Variants in NRG1 observed in about 807,000 individuals in gnomAD.
NRG1 encodes the protein pro-neuregulin-1, membrane-bound isoform.
In NRG1, 18 loss-of-function variants were observed where a neutral mutation model predicts 63.8. The ratio of observed to expected loss-of-function variants is 0.28; its 90% CI spans 0.19 to 0.42. NRG1 has a LOEUF of 0.42. Ranked by LOEUF, NRG1 falls within the 10% of genes least tolerant of loss-of-function variation. The probability of loss-of-function intolerance (pLI) is 1.00; values close to 1 mark genes in which losing one functional copy is unlikely to be tolerated. For synonymous variants in NRG1, 302 were observed against 301.3 expected, an observed-to-expected ratio of 1.00 and a Z score of -0.02; for missense variants, 762 against 814.7, an observed-to-expected ratio of 0.94 and a Z score of 0.79.
At chr8:32,347,583 GT>G (rs1246279215) in intron 1 of NRG1, among the ~76,000 whole-genome samples, 1 of 152,120 alleles carries the variant, frequency 6.6e-6, no homozygotes, top group African/African-American at 2.4e-5. Flanking sequence ...ATCCTCTCTA[GT>G]TTAATGTACT....
At chr8:31,870,837 G>C (rs1322698122) in intron 1 of NRG1, among the ~76,000 whole-genome samples, 1 of 152,054 alleles carries the variant, frequency 6.6e-6, no homozygotes, top group East Asian at 1.9e-4. Flanking sequence ...ATGTGCAAAA[G>C]ACTGCTTAAG....
downstream of NRG1, among the ~76,000 whole-genome samples, chr8:32,770,746 C>T (rs1189120584): frequency 6.6e-6 from 1 of 152,160 alleles, no homozygotes; most frequent in Admixed American, 6.5e-5. Flanking sequence ...TAGAAACTTA[C>T]TGACTGTGGG....
intron 3 of NRG1, 51 bp from the exon 4 acceptor site, chr8:32,614,463 T>C: frequency 6.3e-7 from 1 of 1,579,870 alleles, no homozygotes; most frequent in Non-Finnish European, 8.7e-7. Flanking sequence ...TGGTACCTGC[T>C]CCCGGCCTCC....
At chr8:31,757,178 T>C (rs368333200) in intron 1 of NRG1, among the ~76,000 whole-genome samples, 18 of 152,280 alleles carry the variant, frequency 1.2e-4, no homozygotes, top group African/African-American at 4.3e-4. Flanking sequence ...TTGTCCTTTT[T>C]TTTCACACAT....
rs910373824 is a variant in NRG1 at position 32,593,185 on chromosome 8, G to C, written c.101-2643G>C. ...ATTCATGTATAAGGCATTTTGCTTAGAGGCAAGGGAATAAACCTTGGAAGT... is the reference window on the plus strand; with the variant it reads ...ATTCATGTATAAGGCATTTTGCTTACAGGCAAGGGAATAAACCTTGGAAGT... On this transcript the variant is annotated intron_variant, in intron 1 of 11. Transcript: ENST00000356819. Among the ~76,000 whole-genome samples, 4 of 152,146 alleles carry C rather than the reference G, an allele frequency of 2.6e-5. No individual in the cohort carries two copies. The South Asian group carries it at 8.3e-4, about 32-fold the overall frequency.
chr8:31,720,178 A>G lies in NRG1; in HGVS notation c.37+80747A>G, dbSNP rs149056710. Among the ~76,000 whole-genome samples, 86 of 152,276 alleles carry G rather than the reference A, an allele frequency of 5.6e-4. 2 individuals carry two copies. Among genetic ancestry groups the G allele is most frequent in the Non-Finnish European group, 7.4e-5 (5 of 68,018 alleles). On this transcript the variant is annotated intron_variant, in intron 1 of 10. Coordinates refer to the NRG1 transcript ENST00000519301. ...ATTTTAATGATTTAATTATCTCCCC[A>G]TATTAGATGATCTTGCTATCTTTAT...
At chr8:32,338,194 A>G (rs1267155917) in intron 1 of NRG1, among the ~76,000 whole-genome samples, 1 of 152,206 alleles carries the variant, frequency 6.6e-6, no homozygotes, top group East Asian at 1.9e-4. Context: ...GAGGATATGG[A>G]GGAGCATAGG....
At chr8:31,870,479 TGAA>T (rs1177035992) in intron 1 of NRG1, among the ~76,000 whole-genome samples, 4 of 152,140 alleles carry the variant, frequency 2.6e-5, no homozygotes, top group African/African-American at 9.6e-5. Context: ...ATGTTGGTCT[TGAA>T]GAAAAATGAA....
intron 1 of NRG1, among the ~76,000 whole-genome samples, chr8:31,673,741 A>G (rs866277918): frequency 6.6e-6 from 1 of 152,182 alleles, no homozygotes; most frequent in South Asian, 2.1e-4. Context: ...ACATTACTCT[A>G]TAAATATCTT....
At chr8:32,229,282 G>GT (rs2132565704) in intron 1 of NRG1, among the ~76,000 whole-genome samples, 1 of 152,300 alleles carries the variant, frequency 6.6e-6, no homozygotes, top group East Asian at 1.9e-4. Context: ...AGCAAATAAT[G>GT]TAAGGTTTTG....
chr8:31,683,758 G>A (rs1020343229), intron 1 of NRG1, among the ~76,000 whole-genome samples: 1 of 152,070 alleles, frequency 6.6e-6, no homozygotes, highest in Admixed American at 6.6e-5. Context: ...TGTGCTGGGG[G>A]ATGACCATCG....
At chr8:32,499,276 C>G (rs1390480276) in intron 1 of NRG1, among the ~76,000 whole-genome samples, 1 of 152,116 alleles carries the variant, frequency 6.6e-6, no homozygotes, top group African/African-American at 2.4e-5. Flanking sequence ...TAATCACACA[C>G]TTAAAGAGAG....
Position 32,724,052 on chromosome 8 carries a change from A to C in NRG1, c.503-3897A>C, listed in dbSNP as rs533717935. On this transcript the variant is annotated intron_variant, in intron 5 of 11. Coordinates refer to ENST00000356819, the Ensembl canonical transcript of NRG1. ...AAAAGGAATGGCCAAAACCGTAATT[A>C]CTTTTGCACCAACCTAATAGTAAGT... 9.2e-5 allele frequency among the ~76,000 whole-genome samples: 14 copies of C among 152,370 alleles called. No individual in the cohort carries two copies. The South Asian group carries it at 2.7e-3, about 29-fold the overall frequency.
chr8:32,723,511 C>G (rs1821184355), intron 5 of NRG1, among the ~76,000 whole-genome samples: 1 of 151,288 alleles, frequency 6.6e-6, no homozygotes. Flanking sequence ...GAAACCCCCT[C>G]TCTACTAAAA....
chr8:31,661,460 A>C (rs902177255), intron 1 of NRG1, among the ~76,000 whole-genome samples: 17 of 152,228 alleles, frequency 1.1e-4, no homozygotes, highest in African/African-American at 4.1e-4. Flanking sequence ...TAGTTCCTGC[A>C]GTGTGAGGGC....
At chr8:32,723,117 G>C (rs1360781770) in intron 5 of NRG1, among the ~76,000 whole-genome samples, 1 of 149,084 alleles carries the variant, frequency 6.7e-6, no homozygotes, top group East Asian at 2.0e-4. Flanking sequence ...TGTTGCAACT[G>C]ACAAAGTGTT....
At chr8:32,352,105 C>G (rs1329053183) in intron 1 of NRG1, among the ~76,000 whole-genome samples, 1 of 150,758 alleles carries the variant, frequency 6.6e-6, no homozygotes, top group Non-Finnish European at 1.5e-5. Flanking sequence ...AGTGCAAAGT[C>G]CTAAAGCCTT....
At chr8:32,582,820 A>G (rs1025235061) in intron 1 of NRG1, among the ~76,000 whole-genome samples, 1 of 152,198 alleles carries the variant, frequency 6.6e-6, no homozygotes, top group Admixed American at 6.5e-5. Context: ...TTATTCAAAG[A>G]CTATGTATTT....
At chr8:31,958,084 C>CAGATAGAT (rs869185814) in intron 1 of NRG1, among the ~76,000 whole-genome samples, 1 of 123,356 alleles carries the variant, frequency 8.1e-6, no homozygotes, top group Non-Finnish European at 1.6e-5. Flanking sequence ...GATAGATAGA[C>CAGATAGAT]AGACAGATAG....
Sources: allele counts gnomAD v4.1 joint callset (sites outside exome capture counted in the v4.1 genomes callset), GRCh38; gene constraint gnomAD v4.1.1; transcripts MANE v1.5; gene names NCBI Gene and HGNC (gene_info 2026-07-23, HGNC 2026-07-21).